The following NEO1 variants were observed in gnomAD, a reference collection of about 807,000 sequenced individuals.
NEO1 encodes neogenin 1.
NEO1 carries 63 observed loss-of-function variants against 159.7 expected under a neutral mutation model. The observed-to-expected ratio is 0.39, with a 90% CI of 0.32 to 0.49. The LOEUF (loss-of-function observed/expected upper bound fraction) is 0.49. Among genes scored for constraint, NEO1 ranks in the 20% least tolerant of loss-of-function variants. The probability of loss-of-function intolerance (pLI) is 0.85; values close to 1 mark genes in which losing one functional copy is unlikely to be tolerated. For missense variants in NEO1, 1,615 were observed against 1,831.0 expected (o/e 0.88, Z 2.15); for synonymous variants, 633 against 662.0 (o/e 0.96, Z 0.67).
At chr15:73,260,576 T>C in intron 15 of NEO1, 111 bp downstream of exon 15, 1 of 974,672 alleles carries the variant, frequency 1.0e-6, no homozygotes. Context: ...TACAAGTAAT[T>C]TCTGCATGTT....
chr15:73,256,941 T>C (rs891255896), intron 13 of NEO1, among the ~76,000 whole-genome samples: 1 of 151,404 alleles, frequency 6.6e-6, no homozygotes, highest in Admixed American at 6.6e-5. Flanking sequence ...ATACAAAAAC[T>C]TTAATGGATA....
At chr15:73,298,690 C>T in intron 27 of NEO1, 79 bp downstream of exon 27, 1 of 1,562,234 alleles carries the variant, frequency 6.4e-7, no homozygotes, top group Non-Finnish European at 8.7e-7. Context: ...AAAGCCACCC[C>T]TTCTTTGAAG....
chr15:73,265,765 G>A (rs2040856856), intron 15 of NEO1, among the ~76,000 whole-genome samples: 1 of 152,156 alleles, frequency 6.6e-6, no homozygotes, highest in African/African-American at 2.4e-5. Flanking sequence ...AAGAAAAGCA[G>A]CTGTTTTAAG....
At chr15:73,136,830 C>A (rs1170379898) in intron 5 of NEO1, among the ~76,000 whole-genome samples, 1 of 152,142 alleles carries the variant, frequency 6.6e-6, no homozygotes, top group Non-Finnish European at 1.5e-5. Context: ...CCAAAGGTCA[C>A]TTTTCTACCT....
At chr15:73,266,946 C>A (rs954240661) in intron 16 of NEO1, among the ~76,000 whole-genome samples, 2 of 152,100 alleles carry the variant, frequency 1.3e-5, no homozygotes, top group Admixed American at 1.3e-4. Flanking sequence ...CATTGTTTTT[C>A]TTTGAATTAT....
chr15:73,167,413 A>G (rs146318038), intron 5 of NEO1, among the ~76,000 whole-genome samples: 19 of 152,156 alleles, frequency 1.2e-4, no homozygotes, highest in African/African-American at 3.9e-4. Context: ...AGGGCCAGCT[A>G]GGTGCCTGGA....
intron 1 of NEO1, among the ~76,000 whole-genome samples, chr15:73,106,616 G>A (rs1265336773): frequency 1.3e-5 from 2 of 152,126 alleles, no homozygotes; most frequent in Non-Finnish European, 2.9e-5. Context: ...GTGCAGATAT[G>A]GTGGTTACAA....
At chr15:73,298,681 A>G (rs2042475186) in intron 27 of NEO1, 70 bp downstream of exon 27, 1 of 1,579,136 alleles carries the variant, frequency 6.3e-7, no homozygotes, top group Non-Finnish European at 8.6e-7. Flanking sequence ...GCTTGGGACA[A>G]AGCCACCCCT....
intron 15 of NEO1, among the ~76,000 whole-genome samples, chr15:73,263,700 C>T (rs1478730614): frequency 6.6e-6 from 1 of 152,034 alleles, no homozygotes; most frequent in African/African-American, 2.4e-5. Flanking sequence ...AGAACAACTT[C>T]AAGTGCCTAA....
chr15:73,064,384 GTC>G (rs770612463), intron 1 of NEO1, among the ~76,000 whole-genome samples: 17 of 152,126 alleles, frequency 1.1e-4, no homozygotes, highest in Non-Finnish European at 2.2e-4. Context: ...CTCTCTCTTT[GTC>G]TCTCTCATTC....
chr15:73,158,498 A>G (rs1047987498), intron 5 of NEO1, among the ~76,000 whole-genome samples: 3 of 151,890 alleles, frequency 2.0e-5, no homozygotes, highest in Non-Finnish European at 4.4e-5. Flanking sequence ...CCTGGGCTCA[A>G]GCAATCCTCC....
At chr15:73,166,637 T>C (rs1243817414) in intron 5 of NEO1, among the ~76,000 whole-genome samples, 13 of 152,204 alleles carry the variant, frequency 8.5e-5, no homozygotes, top group Non-Finnish European at 1.3e-4. Flanking sequence ...AAGTGGGGTT[T>C]ACAGGTTGTA....
rs1042132868 is a variant in NEO1 at position 73,245,598 on chromosome 15, G to A, written c.1606+1100G>A. Among the ~76,000 whole-genome samples, 61 of 147,410 alleles carry A rather than the reference G, an allele frequency of 4.1e-4. 1 individual carries two copies. The highest frequency in any genetic ancestry group is 1.1e-3 in the African/African-American group (45 of 39,762). Reference sequence around the variant, plus strand: ...GTATTCTTTTTTTTTTTTTTGAGGCGGAGTCTCGCTCTGTCGCCCAGGCTG... The same window carrying A: ...GTATTCTTTTTTTTTTTTTTGAGGCAGAGTCTCGCTCTGTCGCCCAGGCTG... On this transcript the variant is annotated intron_variant, in intron 9 of 28. Transcript: ENST00000261908.
At chr15:73,249,920 T>C (rs1469037710) in intron 11 of NEO1, among the ~76,000 whole-genome samples, 199 bp downstream of exon 11, 1 of 152,230 alleles carries the variant, frequency 6.6e-6, no homozygotes, top group Non-Finnish European at 1.5e-5. Context: ...TGAGTTGCTG[T>C]AAAGATTCAG....
intron 7 of NEO1, among the ~76,000 whole-genome samples, chr15:73,208,975 A>G (rs2037396313): frequency 6.6e-6 from 1 of 152,230 alleles, no homozygotes; most frequent in Non-Finnish European, 1.5e-5. Flanking sequence ...GAGTGGGGAT[A>G]TAGTTCTTTC....
At position 73,270,449 on chromosome 15, in the gene NEO1, A is replaced by C; in HGVS notation, c.2852A>C (p.Glu951Ala). Reference sequence around the variant, plus strand: ...ATGACAGCCCATGGGACCACCTTTGAATTAGGTATGTGTTGTCAGAAGCCA... The same window carrying C: ...ATGACAGCCCATGGGACCACCTTTGCATTAGGTATGTGTTGTCAGAAGCCA... Reference protein sequence around the residue: ...WSMTAHGTTFELVPTSPPKDV... With the variant: ...WSMTAHGTTFALVPTSPPKDV... Residue 951 changes from glutamate to alanine, a missense_variant, in exon 18 of 29, where the codon GAA becomes GCA. By Grantham distance (107) the Glu-to-Ala change is moderately radical. Transcript: ENST00000261908. The C allele has an allele frequency of 6.2e-7, 1 of 1,612,506 alleles. No individual in the cohort carries two copies. The highest frequency in any genetic ancestry group is 8.5e-7 in the Non-Finnish European group (1 of 1,179,704).
Position 73,113,591 on chromosome 15 carries a change from T to C in NEO1, c.131-2949T>C, listed in dbSNP as rs530777426. On this transcript the variant is annotated intron_variant, in intron 1 of 28. Transcript: ENST00000261908. The stretch of plus-strand genomic sequence containing the variant: ...GTAGTTCACAGTTTCAACAGCTGAT[T>C]GTGCCATCTTCATTTTGTACCTGTG... Among the ~76,000 whole-genome samples the C allele has an allele frequency of 1.3e-3, 198 of 152,276 alleles. 1 individual carries two copies. Among genetic ancestry groups the C allele is most frequent in the African/African-American group, 4.3e-3 (177 of 41,564 alleles).
At chr15:73,250,952 G>A (rs117729601) in intron 11 of NEO1, among the ~76,000 whole-genome samples, 1,664 of 152,222 alleles carry the variant, frequency 0.011, 21 homozygotes, top group East Asian at 0.05. Flanking sequence ...GTTGTATTGT[G>A]TACTTTGTTG....
At chr15:73,073,936 C>CTCTAGAAT (rs2068652024) in intron 1 of NEO1, among the ~76,000 whole-genome samples, 1 of 152,114 alleles carries the variant, frequency 6.6e-6, no homozygotes, top group Admixed American at 6.5e-5. Flanking sequence ...ATTTACCCTA[C>CTCTAGAAT]TCTAGAATCT....
Sources: allele counts gnomAD v4.1 joint callset (sites outside exome capture counted in the v4.1 genomes callset), GRCh38; gene constraint gnomAD v4.1.1; transcripts MANE v1.5; gene names NCBI Gene and HGNC (gene_info 2026-07-23, HGNC 2026-07-21).